PRKN: variants seen among roughly 807,000 people sequenced by gnomAD.
PRKN encodes the protein parkin RBR E3 ubiquitin protein ligase.
PRKN carries 56 observed loss-of-function variants against 59.5 expected under a neutral mutation model. The observed-to-expected ratio is 0.94, with a 90% CI of 0.76 to 1.18. The LOEUF (loss-of-function observed/expected upper bound fraction) is 1.18. Among genes scored for constraint, PRKN ranks in the 50% most tolerant of loss-of-function variants. The pLI is 0.00. For synonymous variants in PRKN, 250 were observed against 222.1 expected, an observed-to-expected ratio of 1.13 and a Z score of -1.12; for missense variants, 657 against 596.4, an observed-to-expected ratio of 1.10 and a Z score of -1.06.
intron 1 of PRKN, among the ~76,000 whole-genome samples, chr6:162,503,311 C>T (rs1379428826): frequency 1.3e-5 from 2 of 151,598 alleles, no homozygotes; most frequent in Non-Finnish European, 2.9e-5. Context: ...TACAGGCGCC[C>T]ACCACTATGC....
chr6:162,633,707 C>T (rs1411852494), intron 1 of PRKN, among the ~76,000 whole-genome samples: 1 of 151,740 alleles, frequency 6.6e-6, no homozygotes, highest in Non-Finnish European at 1.5e-5. Flanking sequence ...TTCCGTGGGA[C>T]CCTGAATGTG....
chr6:162,257,724 T>G (rs575842858), intron 3 of PRKN, among the ~76,000 whole-genome samples: 10 of 152,162 alleles, frequency 6.6e-5, no homozygotes, highest in Non-Finnish European at 1.5e-4. Context: ...CGACACCGCC[T>G]GCAGGTATGG....
intron 4 of PRKN, among the ~76,000 whole-genome samples, chr6:162,152,036 G>GC (rs1782294044): frequency 1.3e-5 from 2 of 152,186 alleles, no homozygotes; most frequent in Middle Eastern, 6.8e-3. Flanking sequence ...TTTATATTAA[G>GC]GGTCCCACAT....
intron 1 of PRKN, among the ~76,000 whole-genome samples, chr6:162,658,502 T>C (rs1456736381): frequency 6.6e-6 from 1 of 151,028 alleles, no homozygotes; most frequent in Non-Finnish European, 1.5e-5. Flanking sequence ...TCTCTACAAA[T>C]ATAAAAAAAT....
intron 2 of PRKN, among the ~76,000 whole-genome samples, chr6:162,366,944 A>G (rs1785472970): frequency 6.6e-6 from 1 of 152,136 alleles, no homozygotes; most frequent in South Asian, 2.1e-4. Context: ...ATTCCCTTAT[A>G]CAACATTCCC....
At chr6:162,520,566 G>T (rs1384738094) in intron 1 of PRKN, among the ~76,000 whole-genome samples, 2 of 152,056 alleles carry the variant, frequency 1.3e-5, no homozygotes, top group African/African-American at 4.8e-5. Context: ...CACTACTTCT[G>T]AACCTCTTGC....
At chr6:162,011,775 T>C (rs1562459440) in intron 5 of PRKN, among the ~76,000 whole-genome samples, 1 of 151,502 alleles carries the variant, frequency 6.6e-6, no homozygotes, top group Non-Finnish European at 1.5e-5. Flanking sequence ...AAGTTCTGGG[T>C]ATTCTAACCA....
intron 2 of PRKN, among the ~76,000 whole-genome samples, chr6:162,281,509 A>G (rs993739106): frequency 2.0e-5 from 3 of 152,196 alleles, no homozygotes; most frequent in Admixed American, 1.3e-4. Context: ...TCATGAATTC[A>G]GCTATCTAAC....
intron 7 of PRKN, among the ~76,000 whole-genome samples, chr6:161,701,822 T>C (rs371166872): frequency 3.9e-4 from 60 of 152,300 alleles, no homozygotes; most frequent in African/African-American, 1.4e-3. Context: ...AAACATATTA[T>C]GGGAACAGAA....
intron 7 of PRKN, among the ~76,000 whole-genome samples, chr6:161,657,286 T>C (rs1031828227): frequency 6.6e-6 from 1 of 152,230 alleles, no homozygotes; most frequent in African/African-American, 2.4e-5. Flanking sequence ...TGTAGATTTC[T>C]GGGACAGTCT....
In PRKN at chr6:161,917,458, T is replaced by TA. The variant is rs990344913; in HGVS notation, c.734+55843dup. On this transcript the variant is annotated intron_variant, in intron 6 of 11. Transcript: ENST00000366898. ...TGCCATATATTTTGGATTCTCTCTTTAAAAAAAAATCTGTAACATTTTAAA... is the reference window on the plus strand; with the variant it reads ...TGCCATATATTTTGGATTCTCTCTTTAAAAAAAAAATCTGTAACATTTTAAA... Among the ~76,000 whole-genome samples the TA allele has an allele frequency of 2.1e-4, 32 of 151,732 alleles. No individual in the cohort carries two copies. The East Asian group carries it at 3.5e-3, about 16-fold the overall frequency.
intron 7 of PRKN, among the ~76,000 whole-genome samples, chr6:161,594,975 G>T (rs1291748355): frequency 2.0e-5 from 3 of 152,198 alleles, no homozygotes; most frequent in African/African-American, 7.2e-5. Flanking sequence ...ATGAACACTG[G>T]TTGGGGGGGT....
At chr6:161,883,905 G>C (rs112984296) in intron 6 of PRKN, among the ~76,000 whole-genome samples, 1,701 of 152,086 alleles carry the variant, frequency 0.011, 40 homozygotes, top group African/African-American at 0.039. Context: ...CGCCCATCTT[G>C]GCCTCCCAAG....
In PRKN at chr6:161,554,358, G is replaced by A. The variant is rs532018420; in HGVS notation, c.934-5355C>T. Among the ~76,000 whole-genome samples the A allele has an allele frequency of 1.5e-4, 23 of 150,630 alleles. No individual in the cohort carries two copies. The highest frequency in any genetic ancestry group is 1.2e-3 in the East Asian group (6 of 5,126). On this transcript the variant is annotated intron_variant, in intron 8 of 11. Coordinates refer to ENST00000366898, the MANE Select transcript of PRKN (RefSeq NM_004562.3). This position sits in a 1 kb window ranked among gnomAD's most constrained non-coding sequence, Gnocchi z 4.5. ...CACTGTTAACACATGCGGCCATTTCGAACTATGCTGTCTTTCTCTTAACCT... is the reference window on the plus strand; with the variant it reads ...CACTGTTAACACATGCGGCCATTTCAAACTATGCTGTCTTTCTCTTAACCT...
At chr6:162,662,599 T>A (rs1279304754) in intron 1 of PRKN, among the ~76,000 whole-genome samples, 1 of 152,170 alleles carries the variant, frequency 6.6e-6, no homozygotes, top group Admixed American at 6.5e-5. Context: ...AATTTTTGCA[T>A]ATGGTGAAAG....
At chr6:162,244,927 G>A (rs958340618) in intron 3 of PRKN, among the ~76,000 whole-genome samples, 1 of 151,930 alleles carries the variant, frequency 6.6e-6, no homozygotes, top group African/African-American at 2.4e-5. Context: ...TGATAATTAT[G>A]GCCCTAAGAG....
intron 4 of PRKN, among the ~76,000 whole-genome samples, chr6:162,183,388 T>C (rs978355782): frequency 2.0e-5 from 3 of 152,152 alleles, no homozygotes; most frequent in African/African-American, 7.2e-5. Context: ...TTCCCTGCCA[T>C]CATCATCTTC....
intron 10 of PRKN, among the ~76,000 whole-genome samples, chr6:161,382,142 A>AAAAC (rs371295234): frequency 1.5e-4 from 23 of 149,000 alleles, no homozygotes; most frequent in East Asian, 5.8e-4. Context: ...AATCAAAACA[A>AAAAC]AAACAAACAA....
chr6:162,629,524 T>G (rs892925341), intron 1 of PRKN, among the ~76,000 whole-genome samples: 1 of 152,146 alleles, frequency 6.6e-6, no homozygotes, highest in Non-Finnish European at 1.5e-5. Context: ...ATATATATAT[T>G]TAAAGGAATG....
Sources: gnomAD v4.1 joint callset for allele counts (sites outside exome capture counted in the v4.1 genomes callset) on GRCh38, gnomAD v4.1.1 for gene constraint, Gnocchi (gnomAD v3.1) non-coding constraint, MANE v1.5 for transcripts, NCBI Gene and HGNC (gene_info 2026-07-23, HGNC 2026-07-21) for gene names.